Variants in TAF4 observed in about 807,000 individuals in gnomAD.
TAF4 encodes the protein transcription initiation factor TFIID subunit 4.
Under a neutral mutation model 90.3 loss-of-function variants are expected in TAF4, and 9 were observed. That is an observed-to-expected ratio of 0.10 (90% CI 0.06 to 0.17). The LOEUF (loss-of-function observed/expected upper bound fraction) is 0.17, where lower values mean the gene tolerates loss of function less well. TAF4 is among the 10% of genes least tolerant of loss of function. TAF4 has a pLI of 1.00. For synonymous variants in TAF4, 818 were observed against 638.9 expected (o/e 1.28, Z -4.23); for missense variants, 1,351 against 1,370.7 (o/e 0.99, Z 0.23).
chr20:62,009,897 C>T (rs1008817955), intron 4 of TAF4, 149 bp downstream of exon 4: 14 of 1,272,386 alleles, frequency 1.1e-5, no homozygotes, highest in African/African-American at 9.0e-5. Flanking sequence ...GCCCCACGTG[C>T]TCACGTGGGC....
chr20:62,062,372 G>A (rs1057175883), intron 1 of TAF4, among the ~76,000 whole-genome samples: 2 of 151,968 alleles, frequency 1.3e-5, no homozygotes, highest in African/African-American at 2.4e-5. Context: ...AAGGTACTCT[G>A]GTTTGGGATA....
chr20:61,976,302 A>C lies in TAF4; in HGVS notation c.3124T>G (p.Ser1042Ala). Residue 1042 changes from serine (S) to alanine (A), a missense_variant, in exon 15 of 15, where the codon TCG becomes GCG. By Grantham distance (99) the Ser-to-Ala change is moderately conservative. Transcript: ENST00000252996. ...SGPGSVVPGS[S>A]GVGTPRQFTR... Reference sequence around the variant, plus strand: ...AACTGTCTGGGGGTTCCGACACCCGAGCTGCCTGGGACCACTGAGCCGGGG... The same window carrying C: ...AACTGTCTGGGGGTTCCGACACCCGCGCTGCCTGGGACCACTGAGCCGGGG... 1.2e-6 allele frequency: 2 copies of C among 1,613,800 alleles called. No individual in the cohort carries two copies. Among genetic ancestry groups the C allele is most frequent in the Non-Finnish European group, 1.7e-6 (2 of 1,180,020 alleles).
At chr20:61,998,224 A>C in intron 12 of TAF4, 32 bp from the exon 13 acceptor site, 1 of 1,598,698 alleles carries the variant, frequency 6.3e-7, no homozygotes, top group Non-Finnish European at 8.6e-7. Context: ...AAGAAAAGTA[A>C]GTTATGAACT....
intron 1 of TAF4, among the ~76,000 whole-genome samples, chr20:62,028,511 G>C (rs556252114): frequency 1.2e-4 from 19 of 152,226 alleles, no homozygotes; most frequent in African/African-American, 3.1e-4. Context: ...CAGGGAACTT[G>C]TATGTGCGTA....
At chr20:61,995,350 G>A (rs1473525929) in intron 14 of TAF4, among the ~76,000 whole-genome samples, 1 of 152,200 alleles carries the variant, frequency 6.6e-6, no homozygotes, top group Non-Finnish European at 1.5e-5. Flanking sequence ...TCTTAGAATT[G>A]CAAAATAAGT....
intron 1 of TAF4, among the ~76,000 whole-genome samples, chr20:62,019,923 C>G (rs1294975966): frequency 6.6e-6 from 1 of 152,210 alleles, no homozygotes; most frequent in East Asian, 1.9e-4. Context: ...CCGGGTGCCG[C>G]AGGCCGCCCC....
At chr20:62,024,998 G>A (rs565825824) in intron 1 of TAF4, among the ~76,000 whole-genome samples, 23 of 152,214 alleles carry the variant, frequency 1.5e-4, no homozygotes, top group African/African-American at 3.9e-4. Flanking sequence ...TCCTTAAAGC[G>A]ACACCACTAC....
chr20:61,988,014 C>T (rs976832370), intron 14 of TAF4, among the ~76,000 whole-genome samples: 14 of 152,004 alleles, frequency 9.2e-5, no homozygotes, highest in African/African-American at 2.2e-4. Flanking sequence ...CTGGAAAAGG[C>T]GAAACTAGGA....
At chr20:61,976,513 G>A (rs1468811968) in intron 14 of TAF4, among the ~76,000 whole-genome samples, 178 bp from the exon 15 acceptor site, 1 of 152,218 alleles carries the variant, frequency 6.6e-6, no homozygotes, top group African/African-American at 2.4e-5. Context: ...CAGGGCAGGG[G>A]CAAGGGCAGG....
rs1349876108 is a variant in TAF4, at chr20:62,065,202, C to G, written c.609G>C (p.Ala203=). Residue 203 remains alanine, a synonymous_variant, in exon 1 of 15, where the codon GCG becomes GCC. Coordinates refer to ENST00000252996, the MANE Select transcript of TAF4 (RefSeq NM_003185.4). Reference sequence around the variant, plus strand: ...CGGCGGCGTGGTGCGAGTTCAGCAGCGCGGCGCTCCCATTCAAAGTTTGCG... The same window carrying G: ...CGGCGGCGTGGTGCGAGTTCAGCAGGGCGGCGCTCCCATTCAAAGTTTGCG... ...GAAQTLNGSA[A]LLNSHHAAAP... 1 of 1,185,442 alleles carries G rather than the reference C, an allele frequency of 8.4e-7. No homozygotes were observed. The highest frequency in any genetic ancestry group is 9.2e-5 in the East Asian group (1 of 10,862). The allele number at this position is 1,185,442 out of a possible 1,614,324, so 73.4% of individuals were successfully genotyped here.
At chr20:62,012,617 G>T (rs943903804) in intron 3 of TAF4, 198 bp downstream of exon 3, 20 of 675,112 alleles carry the variant, frequency 3.0e-5, no homozygotes, top group East Asian at 7.0e-5. Context: ...AAAGAAAAAA[G>T]AAAAAAAGAA....
intron 14 of TAF4, among the ~76,000 whole-genome samples, chr20:61,987,872 C>T (rs1247276435): frequency 6.6e-6 from 1 of 152,222 alleles, no homozygotes; most frequent in African/African-American, 2.4e-5. Context: ...CAGCCACACA[C>T]TGGAATAGTG....
intron 3 of TAF4, chr20:62,011,967 C>T (rs1200368406): frequency 6.6e-6 from 1 of 152,478 alleles, no homozygotes; most frequent in Non-Finnish European, 1.5e-5. Flanking sequence ...TGCGTCTGAC[C>T]GGCCAGCCCC....
intron 14 of TAF4, among the ~76,000 whole-genome samples, chr20:61,994,392 T>C (rs981348334): frequency 4.6e-5 from 7 of 152,392 alleles, no homozygotes; most frequent in Non-Finnish European, 2.9e-5. Context: ...TACTTACTTA[T>C]TTCTGGCCCA....
At chr20:62,037,823 G>C (rs973244213) in intron 1 of TAF4, 1 of 224,838 alleles carries the variant, frequency 4.4e-6, no homozygotes, top group Admixed American at 4.1e-5. Context: ...CAGACACTTG[G>C]TGACTTCTCA....
At chr20:62,016,632 G>A (rs1002283593) in intron 1 of TAF4, among the ~76,000 whole-genome samples, 39 of 152,256 alleles carry the variant, frequency 2.6e-4, no homozygotes, top group African/African-American at 7.0e-4. Flanking sequence ...TGAGATCTGG[G>A]GACTCAGACT....
In TAF4 at chr20:62,065,289, G is replaced by GC. The variant is rs2056122825; in HGVS notation, c.521_522insG (p.Gly175ArgfsTer287). ...CGGGGCCGGGGCCGGGGCCGGGCCCGGGGCCGGGGCCGGCGCGGGCGGCCA... is the reference window on the plus strand; with the variant it reads ...CGGGGCCGGGGCCGGGGCCGGGCCCGCGGGCCGGGGCCGGCGCGGGCGGCCA... On this transcript the variant is annotated frameshift_variant, in exon 1 of 15. Coordinates refer to ENST00000252996, the MANE Select transcript of TAF4 (RefSeq NM_003185.4). LOFTEE classifies it high-confidence loss of function. 1 of 927,616 alleles carries GC rather than the reference G, an allele frequency of 1.1e-6. No individual in the cohort carries two copies. The highest frequency in any genetic ancestry group is 1.9e-5 in the African/African-American group (1 of 53,432). The allele number at this position is 927,616 out of a possible 1,614,324, so 57.5% of individuals were successfully genotyped here. A position where few individuals can be genotyped will look rare whatever the true frequency, so the allele number is the denominator to read the frequency against.
At chr20:62,021,535 G>C (rs915862730) in intron 1 of TAF4, among the ~76,000 whole-genome samples, 1 of 152,270 alleles carries the variant, frequency 6.6e-6, no homozygotes, top group Non-Finnish European at 1.5e-5. Flanking sequence ...GGCCGTGCGC[G>C]CCCAACGCGG....
At chr20:62,062,782 G>A (rs1249528911) in intron 1 of TAF4, among the ~76,000 whole-genome samples, 1 of 152,200 alleles carries the variant, frequency 6.6e-6, no homozygotes. Flanking sequence ...CCAGAAGAAA[G>A]AGACAGATGA....
Sources: gnomAD v4.1 joint callset for allele counts (sites outside exome capture counted in the v4.1 genomes callset) on GRCh38, gnomAD v4.1.1 for gene constraint, MANE v1.5 for transcripts, NCBI Gene and HGNC (gene_info 2026-07-23, HGNC 2026-07-21) for gene names.